ENOX1: variants seen among roughly 807,000 people sequenced by gnomAD.
ENOX1 encodes ecto-NOX disulfide-thiol exchanger 1, also known as candidate growth-related and time keeping constitutive hydroquinone (NADH) oxidase.
Under a neutral mutation model 82.5 loss-of-function variants are expected in ENOX1, and 42 were observed. That is an observed-to-expected ratio of 0.51 (90% confidence interval 0.40 to 0.66). ENOX1 has a LOEUF of 0.66. Ranked by LOEUF, ENOX1 falls within the 30% of genes least tolerant of loss-of-function variation. The probability of loss-of-function intolerance (pLI) is 0.00; values close to 1 mark genes in which losing one functional copy is unlikely to be tolerated. For missense variants in ENOX1, 608 were observed against 811.6 expected, an observed-to-expected ratio of 0.75 and a Z score of 3.05; for synonymous variants, 271 against 282.2, an observed-to-expected ratio of 0.96 and a Z score of 0.40.
intron 2 of ENOX1, among the ~76,000 whole-genome samples, chr13:43,642,689 G>A (rs1240921974): frequency 6.6e-6 from 1 of 152,154 alleles, no homozygotes; most frequent in Non-Finnish European, 1.5e-5. Flanking sequence ...AGATCCCACT[G>A]GGATTGGATT....
intron 1 of ENOX1, among the ~76,000 whole-genome samples, chr13:43,754,239 GTA>G (rs1413349503): frequency 1.4e-5 from 2 of 145,242 alleles, no homozygotes; most frequent in Admixed American, 1.4e-4. Context: ...GTATACATAT[GTA>G]TATATACACA....
chr13:43,280,753 T>A (rs2153490509), intron 12 of ENOX1, among the ~76,000 whole-genome samples: 1 of 152,350 alleles, frequency 6.6e-6, no homozygotes, highest in Non-Finnish European at 1.5e-5. Context: ...TTTTCTTTGT[T>A]AATACAAGTA....
At chr13:43,589,008 A>G (rs1161498958) in intron 2 of ENOX1, among the ~76,000 whole-genome samples, 2 of 152,158 alleles carry the variant, frequency 1.3e-5, no homozygotes, top group Non-Finnish European at 2.9e-5. Context: ...AATATTCAGG[A>G]AAGCTCTCCT....
At chr13:43,370,499 C>T (rs2051162344) in intron 5 of ENOX1, among the ~76,000 whole-genome samples, 1 of 152,186 alleles carries the variant, frequency 6.6e-6, no homozygotes, top group African/African-American at 2.4e-5. Context: ...CACAGGGTTA[C>T]CGTCAATTCC....
chr13:43,364,992 G>C (rs551049561), intron 5 of ENOX1, among the ~76,000 whole-genome samples: 1 of 152,286 alleles, frequency 6.6e-6, no homozygotes, highest in South Asian at 2.1e-4. Flanking sequence ...GCAGGAATTA[G>C]ATCAGATCAG....
At chr13:43,484,204 G>T (rs557650782) in intron 2 of ENOX1, 52 bp from the exon 3 acceptor site, 12 of 931,582 alleles carry the variant, frequency 1.3e-5, no homozygotes, top group Admixed American at 6.2e-5. Flanking sequence ...TACCATTACT[G>T]CCTGTAATGG....
At chr13:43,320,760 ATGTCAACT>A (rs531405267) in intron 11 of ENOX1, among the ~76,000 whole-genome samples, 126 of 152,366 alleles carry the variant, frequency 8.3e-4, no homozygotes, top group African/African-American at 3.0e-3. Flanking sequence ...TCCAAGTTTC[ATGTCAACT>A]TGCCTCTCAT....
chr13:43,571,103 A>G (rs1369489394), intron 2 of ENOX1, among the ~76,000 whole-genome samples: 4 of 152,178 alleles, frequency 2.6e-5, no homozygotes, highest in African/African-American at 9.7e-5. Flanking sequence ...CCTTAAATTC[A>G]TAAAAGGCAC....
chr13:43,624,303 T>A (rs575398939), intron 2 of ENOX1, among the ~76,000 whole-genome samples: 1 of 152,332 alleles, frequency 6.6e-6, no homozygotes, highest in East Asian at 1.9e-4. Context: ...GAGAGTTCTT[T>A]ATATATTCTA....
At chr13:43,526,720 C>T (rs2078005057) in intron 2 of ENOX1, among the ~76,000 whole-genome samples, 1 of 152,054 alleles carries the variant, frequency 6.6e-6, no homozygotes, top group Non-Finnish European at 1.5e-5. Context: ...ATACTCTAGC[C>T]TACTTTACTT....
intron 2 of ENOX1, among the ~76,000 whole-genome samples, chr13:43,618,518 T>C (rs1442320066): frequency 2.6e-5 from 4 of 152,206 alleles, no homozygotes; most frequent in Non-Finnish European, 4.4e-5. Flanking sequence ...CTTTATGTTT[T>C]TGTTTGCCTT....
At chr13:43,754,769 A>T (rs2153832766) in intron 1 of ENOX1, among the ~76,000 whole-genome samples, 1 of 151,764 alleles carries the variant, frequency 6.6e-6, no homozygotes, top group East Asian at 1.9e-4. Context: ...ATTTTTTGTC[A>T]CTATGTTGCC....
chr13:43,424,644 C>T (rs1422445024), intron 3 of ENOX1, among the ~76,000 whole-genome samples: 8 of 152,170 alleles, frequency 5.3e-5, no homozygotes, highest in Non-Finnish European at 8.8e-5. Flanking sequence ...GGACAGGGAG[C>T]GTTAGCAGAA....
chr13:43,518,396 G>A (rs1254920470), intron 2 of ENOX1, among the ~76,000 whole-genome samples: 1 of 151,984 alleles, frequency 6.6e-6, no homozygotes, highest in African/African-American at 2.4e-5. Flanking sequence ...ACACAGCACA[G>A]GTAATCAGTT....
At chr13:43,328,985 A>G (rs1011839357) in intron 9 of ENOX1, among the ~76,000 whole-genome samples, 1 of 152,268 alleles carries the variant, frequency 6.6e-6, no homozygotes, top group Admixed American at 6.5e-5. Flanking sequence ...AGAGAGGTGC[A>G]GATGACAGCT....
At chr13:43,607,169 A>G (rs751893532) in intron 2 of ENOX1, among the ~76,000 whole-genome samples, 2 of 152,190 alleles carry the variant, frequency 1.3e-5, no homozygotes, top group Non-Finnish European at 2.9e-5. Context: ...CCCTGATGTG[A>G]TTATTATGCA....
chr13:43,422,778 C>G (rs1031638788), intron 3 of ENOX1, among the ~76,000 whole-genome samples: 6 of 152,148 alleles, frequency 3.9e-5, no homozygotes, highest in African/African-American at 1.4e-4. Flanking sequence ...AAAAATATCA[C>G]TCGGCATTAC....
At chr13:43,561,972 AAAGGAAGG>A in intron 2 of ENOX1, among the ~76,000 whole-genome samples, 1 of 146,892 alleles carries the variant, frequency 6.8e-6, no homozygotes. Context: ...CTGTCAAAAA[AAAGGAAGG>A]AAGGAAGAGA....
At chr13:43,277,627 C>T (rs1014125092) in intron 12 of ENOX1, among the ~76,000 whole-genome samples, 3 of 152,164 alleles carry the variant, frequency 2.0e-5, no homozygotes, top group African/African-American at 4.8e-5. Context: ...ACACTGTGTG[C>T]GTACATCTGA....
Sources: gnomAD v4.1 joint callset for allele counts (sites outside exome capture counted in the v4.1 genomes callset) on GRCh38, gnomAD v4.1.1 for gene constraint, MANE v1.5 for transcripts, NCBI Gene and HGNC (gene_info 2026-07-23, HGNC 2026-07-21) for gene names.